MAP4K5: variants seen among roughly 807,000 people sequenced by gnomAD.
MAP4K5 encodes the protein MAPK/ERK kinase kinase kinase 5.
MAP4K5 carries 82 observed loss-of-function variants against 135.6 expected under a neutral mutation model. The ratio of observed to expected loss-of-function variants is 0.60; its 90% CI spans 0.51 to 0.73. The LOEUF (loss-of-function observed/expected upper bound fraction) is 0.73. MAP4K5 is among the 30% of genes least tolerant of loss of function. MAP4K5 has a pLI of 0.00. For missense variants in MAP4K5, 907 were observed against 1,010.9 expected (o/e 0.90, Z 1.39); for synonymous variants, 347 against 335.0 (o/e 1.04, Z -0.39).
upstream of MAP4K5, among the ~76,000 whole-genome samples, chr14:50,535,936 G>A (rs537410850): frequency 3.3e-4 from 50 of 152,240 alleles, no homozygotes; most frequent in Non-Finnish European, 6.2e-4. Flanking sequence ...TAACTCTCAC[G>A]AGACCTGATG....
chr14:50,436,794 G>GGGAGA (rs916928765), intron 26 of MAP4K5, among the ~76,000 whole-genome samples: 31 of 152,148 alleles, frequency 2.0e-4, no homozygotes, highest in African/African-American at 7.2e-4. Context: ...ATTAACCATA[G>GGGAGA]GGAGAGGACA....
At chr14:50,548,335 T>C (rs2038660371) in intron 1 of MAP4K5, among the ~76,000 whole-genome samples, 1 of 152,068 alleles carries the variant, frequency 6.6e-6, no homozygotes, top group South Asian at 2.1e-4. Context: ...TGGGCACACA[T>C]AGAGCAAGAG....
At chr14:50,468,805 A>G (rs781209180) in intron 9 of MAP4K5, 23 bp from the exon 10 acceptor site, 3 of 1,589,776 alleles carry the variant, frequency 1.9e-6, no homozygotes, top group African/African-American at 2.7e-5. Flanking sequence ...AATGAATACA[A>G]CATTTTTGTT....
intron 1 of MAP4K5, among the ~76,000 whole-genome samples, chr14:50,553,603 GTT>G (rs962583534): frequency 4.6e-5 from 7 of 152,250 alleles, no homozygotes; most frequent in African/African-American, 1.7e-4. Context: ...ACTACTGGGT[GTT>G]TACCCAAAGG....
intron 16 of MAP4K5, among the ~76,000 whole-genome samples, chr14:50,446,795 G>A (rs540469311): frequency 1.8e-4 from 27 of 152,284 alleles, no homozygotes; most frequent in African/African-American, 6.3e-4. Flanking sequence ...TAGTGTGAAA[G>A]CAGCCATGTA....
chr14:50,485,616 T>C lies in MAP4K5; in HGVS notation c.284A>G (p.Glu95Gly). 1 of 1,549,350 alleles carries C rather than the reference T, an allele frequency of 6.5e-7. No homozygotes were observed. The highest frequency in any genetic ancestry group is 8.7e-7 in the Non-Finnish European group (1 of 1,143,902). Residue 95 changes from glutamate to glycine, a missense_variant, in exon 5 of 33, where the codon GAA becomes GGA. This residue lies in a region of MAP4K5 where 196 missense variants were observed against 189.3 expected (regional missense o/e 1.04). Coordinates refer to ENST00000682126, the MANE Select transcript of MAP4K5 (RefSeq NM_006575.6). ...TTGAAGTGATCCGCCACCACAGTATTCCATACAAATCCATAGTTTTTCCCG... is the reference window on the plus strand; with the variant it reads ...TTGAAGTGATCCGCCACCACAGTATCCCATACAAATCCATAGTTTTTCCCG... ...LSREKLWICM[E>G]YCGGGSLQDI...
intron 16 of MAP4K5, among the ~76,000 whole-genome samples, chr14:50,446,948 T>G (rs2036367218): frequency 6.6e-6 from 1 of 152,244 alleles, no homozygotes; most frequent in African/African-American, 2.4e-5. Flanking sequence ...TATTTACTAT[T>G]CTTAGTTTGT....
intron 9 of MAP4K5, among the ~76,000 whole-genome samples, chr14:50,473,348 G>A (rs2037010307): frequency 6.6e-6 from 1 of 151,616 alleles, no homozygotes; most frequent in African/African-American, 2.4e-5. Context: ...ATAAGTCTAT[G>A]CCATTGTTTT....
At chr14:50,503,740 G>T (rs1195941729) in intron 3 of MAP4K5, among the ~76,000 whole-genome samples, 1 of 151,998 alleles carries the variant, frequency 6.6e-6, no homozygotes, top group Non-Finnish European at 1.5e-5. Context: ...CACTGCACTC[G>T]CTTAAGACAG....
chr14:50,441,668 T>C lies in MAP4K5; in HGVS notation c.1564+1064A>G, dbSNP rs143219062. Among the ~76,000 whole-genome samples, 43 of 151,054 alleles carry C rather than the reference T, an allele frequency of 2.8e-4. No homozygotes were observed. In the East Asian group the frequency reaches 7.8e-3, roughly 27 times the overall value. On this transcript the variant is annotated intron_variant, in intron 21 of 32. Coordinates refer to ENST00000682126, the MANE Select transcript of MAP4K5 (RefSeq NM_006575.6). ...CCAAGCCCAGGAGTTTGAGCTGCAC[T>C]GAACTATGACTGCACTACTGAAGTC...
In MAP4K5 at chr14:50,532,550, G is replaced by C. The variant is rs1322901451; in HGVS notation, c.-212C>G. 2 of 152,022 alleles carry C rather than the reference G, an allele frequency of 1.3e-5. No individual in the cohort carries two copies. The highest frequency in any genetic ancestry group is 2.9e-5 in the Non-Finnish European group (2 of 68,096). The allele number at this position is 152,022 out of a possible 1,614,324, so 9.4% of individuals were successfully genotyped here. The stretch of plus-strand genomic sequence containing the variant: ...AGCCGCTGCACGGCGCGTCCTCTCG[G>C]GGGCGGCGGAGGCGCGTACAGTCGC... On this transcript the variant is annotated 5_prime_UTR_variant, in exon 1 of 33. Coordinates refer to ENST00000682126, the MANE Select transcript of MAP4K5 (RefSeq NM_006575.6).
At chr14:50,456,682 A>T in intron 13 of MAP4K5, 88 bp from the exon 14 acceptor site, 1 of 761,342 alleles carries the variant, frequency 1.3e-6, no homozygotes, top group Non-Finnish European at 2.1e-6. Flanking sequence ...ATTGATAAAT[A>T]TGAATATCTA....
intron 14 of MAP4K5, among the ~76,000 whole-genome samples, chr14:50,452,717 T>A (rs2036517976): frequency 6.6e-6 from 1 of 152,128 alleles, no homozygotes; most frequent in Non-Finnish European, 1.5e-5. Context: ...TGTATTCATG[T>A]CTCTCAAACA....
upstream of MAP4K5, among the ~76,000 whole-genome samples, chr14:50,536,025 C>G (rs1473287621): frequency 6.6e-6 from 1 of 152,230 alleles, no homozygotes; most frequent in Non-Finnish European, 1.5e-5. Context: ...CTTGCTCTTC[C>G]TTGCCCTCTG....
chr14:50,436,262 C>G (rs1303969718), intron 26 of MAP4K5, among the ~76,000 whole-genome samples: 2 of 152,110 alleles, frequency 1.3e-5, no homozygotes, highest in Non-Finnish European at 2.9e-5. Context: ...AACTTAACCT[C>G]ACCCAAAAAA....
chr14:50,515,845 T>C (rs1204856453), intron 2 of MAP4K5, among the ~76,000 whole-genome samples: 2 of 152,210 alleles, frequency 1.3e-5, no homozygotes, highest in African/African-American at 4.8e-5. Context: ...CAACCATCTA[T>C]TTCTAGGGCA....
intron 3 of MAP4K5, among the ~76,000 whole-genome samples, chr14:50,487,514 G>C (rs1368903637): frequency 1.3e-5 from 2 of 152,160 alleles, no homozygotes. Context: ...ACGTCTGAGA[G>C]AAAACCTTTA....
At chr14:50,485,875 T>C (rs1334566630) in intron 4 of MAP4K5, 2 of 536,670 alleles carry the variant, frequency 3.7e-6, no homozygotes, top group African/African-American at 4.0e-5. Context: ...TTACTTGTAA[T>C]CACTTATGTT....
At chr14:50,542,890 G>T (rs1011769229) in intron 1 of MAP4K5, among the ~76,000 whole-genome samples, 3 of 152,194 alleles carry the variant, frequency 2.0e-5, no homozygotes, top group Non-Finnish European at 4.4e-5. Context: ...AAGAAGAGCT[G>T]ATCTGAGGTA....
Sources: allele counts gnomAD v4.1 joint callset (sites outside exome capture counted in the v4.1 genomes callset), GRCh38; gene constraint gnomAD v4.1.1; regional missense constraint gnomAD v4.1.1; transcripts MANE v1.5; gene names NCBI Gene and HGNC (gene_info 2026-07-23, HGNC 2026-07-21).